ZNF142: variants seen among roughly 807,000 people sequenced by gnomAD.
ZNF142 encodes the protein zinc finger protein 142.
In ZNF142, 96 loss-of-function variants were observed where a neutral mutation model predicts 132.1. The ratio of observed to expected loss-of-function variants is 0.73; its 90% confidence interval spans 0.62 to 0.86. The LOEUF is 0.86. ZNF142 is among the 40% of genes least tolerant of loss of function. ZNF142 has a pLI of 0.00. For synonymous variants in ZNF142, 842 were observed against 890.1 expected (o/e 0.95, Z 0.96); for missense variants, 2,163 against 2,336.2 (o/e 0.93, Z 1.53).
chr2:218,645,332 A>C (rs1176238736), intron 8 of ZNF142, among the ~76,000 whole-genome samples: 4 of 152,216 alleles, frequency 2.6e-5, no homozygotes, highest in African/African-American at 9.6e-5. Context: ...CTGTGTTCTA[A>C]GCCCTATTCT....
At position 218,633,516 on chromosome 2, in the gene ZNF142, TG is replaced by T; in HGVS notation, c.*4822del. 6.9e-7 allele frequency: 1 copy of T among 1,450,694 alleles called. No individual in the cohort carries two copies. Among genetic ancestry groups the T allele is most frequent in the Non-Finnish European group, 9.7e-7 (1 of 1,035,588 alleles). The allele number at this position is 1,450,694 out of a possible 1,614,324, so 89.9% of individuals were successfully genotyped here. A position where few individuals can be genotyped will look rare whatever the true frequency, so the allele number is the denominator to read the frequency against. Reference sequence around the variant, plus strand: ...GAGGGAGAATACAGTGGGGAGGCAGTGGGCAGAGGTTTAGGTTGGATGGCCA... The same window carrying T: ...GAGGGAGAATACAGTGGGGAGGCAGTGGCAGAGGTTTAGGTTGGATGGCCA... On this transcript the variant is annotated 3_prime_UTR_variant, in exon 11 of 11. Coordinates refer to ENST00000411696, the MANE Select transcript of ZNF142 (RefSeq NM_001379659.1).
At chr2:218,649,550 G>C in intron 6 of ZNF142, 91 bp from the exon 7 acceptor site, 1 of 1,210,824 alleles carries the variant, frequency 8.3e-7, no homozygotes, top group African/African-American at 1.5e-5. Flanking sequence ...AGACACAAAC[G>C]ATGTGTGGCC....
At chr2:218,641,476 C>T (rs1697189669) in intron 9 of ZNF142, among the ~76,000 whole-genome samples, 1 of 149,336 alleles carries the variant, frequency 6.7e-6, no homozygotes, top group South Asian at 2.1e-4. Flanking sequence ...GATCTCCTGA[C>T]CTCATGATCC....
intron 10 of ZNF142, among the ~76,000 whole-genome samples, chr2:218,639,566 C>A (rs1347196950): frequency 6.6e-6 from 1 of 151,902 alleles, no homozygotes; most frequent in African/African-American, 2.4e-5. Flanking sequence ...CAAAGTGAGA[C>A]CCTGTCTACA....
chr2:218,635,473 G>A lies in ZNF142; in HGVS notation c.*2866C>T, dbSNP rs574596778. 1.5e-4 allele frequency among the ~76,000 whole-genome samples: 23 copies of A among 152,170 alleles called. No individual in the cohort carries two copies. Among genetic ancestry groups the A allele is most frequent in the African/African-American group, 5.1e-4 (21 of 41,514 alleles). ...CCCATCTGAGCCTTCCGAGTAGCTG[G>A]GACTACAGGCGCCCGCCACCATGCC... is the stretch of plus-strand genomic sequence containing the variant. On this transcript the variant is annotated 3_prime_UTR_variant, in exon 11 of 11. Coordinates refer to ENST00000411696, the MANE Select transcript of ZNF142 (RefSeq NM_001379659.1).
At position 218,646,366 on chromosome 2, in the gene ZNF142, G is replaced by A. The variant is rs755033221; in HGVS notation, c.1874-18C>T. ...CTTCTCACCTTATATGGGGGATGCGGATGAAGGGAGAGAACACAGGTCAGA... is the reference window on the plus strand; with the variant it reads ...CTTCTCACCTTATATGGGGGATGCGAATGAAGGGAGAGAACACAGGTCAGA... On this transcript the variant is annotated intron_variant, in intron 7 of 10. Coordinates refer to ENST00000411696, the MANE Select transcript of ZNF142 (RefSeq NM_001379659.1). 1.1e-5 allele frequency: 18 copies of A among 1,612,948 alleles called. No homozygotes were observed. Among genetic ancestry groups the A allele is most frequent in the Non-Finnish European group, 5.1e-6 (6 of 1,179,466 alleles).
rs1313532280 is a variant in ZNF142 at position 218,644,483 on chromosome 2, T to G, written c.2633A>C (p.Asp878Ala). Residue 878 changes from aspartate (D) to alanine (A), a missense_variant, in exon 9 of 11, where the codon GAC (aspartate) becomes GCC (alanine). Physicochemically the swap from Asp to Ala is moderately radical, Grantham distance 126. Transcript: ENST00000411696. The surrounding 1 kb of genome is among the most constrained non-coding windows in gnomAD (Gnocchi z 4.6). The part of the protein sequence containing the change: ...QEGSEAPHGG[D>A]LGGSPSPAEV... Reference sequence around the variant, plus strand: ...TGCTGGGCTGGGACTGCCACCCAGGTCACCCCCATGGGGAGCCTCACTGCC... The same window carrying G: ...TGCTGGGCTGGGACTGCCACCCAGGGCACCCCCATGGGGAGCCTCACTGCC... 1 of 1,613,834 alleles carries G rather than the reference T, an allele frequency of 6.2e-7. No homozygotes were observed. Among genetic ancestry groups the G allele is most frequent in the African/African-American group, 1.3e-5 (1 of 74,904 alleles).
Position 218,643,023 on chromosome 2 carries a change from G to A in ZNF142, c.4093C>T (p.Arg1365Cys), listed in dbSNP as rs759350416. ...CACTGTAGATGGGGCCGGGGCCCAC[G>A]GGCTGGGGCTGCAGTGGGGTGCCTC... Reference protein sequence around the residue: ...KRRHPTAAPARGPRPHLQCGD... With the variant: ...KRRHPTAAPACGPRPHLQCGD... Residue 1365 changes from arginine to cysteine, a missense_variant, in exon 9 of 11, where the codon CGT becomes TGT. Arg to Cys is a radical substitution (Grantham distance 180, BLOSUM62 -3). Coordinates refer to ENST00000411696, the MANE Select transcript of ZNF142 (RefSeq NM_001379659.1). 1.0e-5 allele frequency: 16 copies of A among 1,601,638 alleles called. No homozygotes were observed. Among genetic ancestry groups the A allele is most frequent in the Admixed American group, 1.7e-5 (1 of 57,638 alleles).
chr2:218,644,355 T>C lies in ZNF142; in HGVS notation c.2761A>G (p.Met921Val), dbSNP rs201354528. 573 of 1,614,048 alleles carry C rather than the reference T, an allele frequency of 3.6e-4. 8 individuals are homozygous for C. The highest frequency in any genetic ancestry group is 3.1e-3 in the South Asian group (286 of 91,076). ...TCCAGTCCCAGGGGCCTGAACTCCATAGGGGCTGTTTCAGTGACCTCCTCA... is the reference window on the plus strand; with the variant it reads ...TCCAGTCCCAGGGGCCTGAACTCCACAGGGGCTGTTTCAGTGACCTCCTCA... ...PLEEVTETAP[M>V]EFRPLGLEGP... is the part of the protein sequence containing the mutation. The change falls in exon 9 of 11, where the codon ATG (methionine) becomes GTG (valine). Residue 921 changes from methionine (M) to valine (V), a missense_variant. This residue lies in a region of ZNF142 where 749 missense variants were observed against 830.3 expected (regional missense o/e 0.90). Coordinates refer to ENST00000411696, the MANE Select transcript of ZNF142 (RefSeq NM_001379659.1). This position sits in a 1 kb window ranked among gnomAD's most constrained non-coding sequence, Gnocchi z 4.6.
Position 218,642,624 on chromosome 2 carries a change from C to G in ZNF142, c.4492G>C (p.Glu1498Gln), listed in dbSNP as rs751814235. The G allele has an allele frequency of 6.2e-7, 1 of 1,613,932 alleles. No homozygotes were observed. Among genetic ancestry groups the G allele is most frequent in the African/African-American group, 1.3e-5 (1 of 74,942 alleles). ...AGAGCATGCTGCTTAAGTGCTGTCT[C>G]TGAGCTGAACTGGGCTTCACACTGG... is the stretch of plus-strand genomic sequence containing the variant. The part of the protein sequence containing the change: ...CSQCEAQFSS[E>Q]TALKQHALRR... The change falls in exon 9 of 11, where the codon GAG becomes CAG. Residue 1498 changes from glutamate (E) to glutamine (Q), a missense_variant. By Grantham distance (29) the Glu-to-Gln change is conservative. Coordinates refer to ENST00000411696, the MANE Select transcript of ZNF142 (RefSeq NM_001379659.1). This position sits in a 1 kb window ranked among gnomAD's most constrained non-coding sequence, Gnocchi z 4.6.
In ZNF142 at chr2:218,636,367, C is replaced by A. The variant is rs1696749298; in HGVS notation, c.*1972G>T. The stretch of plus-strand genomic sequence containing the variant: ...GAAATGACTTTATTGGTCAGTACAC[C>A]CTGCCTTGGACCTGCATGCAACAAG... On this transcript the variant is annotated 3_prime_UTR_variant, in exon 11 of 11. Transcript: ENST00000411696. 6.2e-7 allele frequency: 1 copy of A among 1,613,850 alleles called. No homozygotes were observed. Among genetic ancestry groups the A allele is most frequent in the Non-Finnish European group, 8.5e-7 (1 of 1,179,912 alleles).
intron 4 of ZNF142, among the ~76,000 whole-genome samples, chr2:218,653,715 G>C (rs796300710): frequency 6.6e-6 from 1 of 152,064 alleles, no homozygotes; most frequent in South Asian, 2.1e-4. Flanking sequence ...ATATATCAAA[G>C]ATATTTTTAT....
chr2:218,654,193 A>G (rs1416899342), intron 4 of ZNF142, among the ~76,000 whole-genome samples: 2 of 152,154 alleles, frequency 1.3e-5, no homozygotes, highest in East Asian at 3.8e-4. Flanking sequence ...GTCTTTGTGC[A>G]TTCCTACAGT....
chr2:218,637,850 TG>T lies in ZNF142; in HGVS notation c.*488del, dbSNP rs1425415097. On this transcript the variant is annotated 3_prime_UTR_variant, in exon 11 of 11. Transcript: ENST00000411696. ...GCAGAGGTCTGAGAGGGGACAGAGT[TG>T]ATCAAGATGACAGCCTGGAAATGTT... The T allele has an allele frequency of 6.6e-6, 1 of 152,558 alleles. No individual in the cohort carries two copies. Among genetic ancestry groups the T allele is most frequent in the African/African-American group, 2.4e-5 (1 of 41,444 alleles). 9.5% of individuals were successfully genotyped at this position (152,558 alleles called of 1,614,324 possible). A position where few individuals can be genotyped will look rare whatever the true frequency, so the allele number is the denominator to read the frequency against.
rs1351012655 is a variant in ZNF142, at chr2:218,636,041, G to C, written c.*2298C>G. 9 of 1,526,118 alleles carry C rather than the reference G, an allele frequency of 5.9e-6. No homozygotes were observed. The highest frequency in any genetic ancestry group is 8.1e-6 in the Non-Finnish European group (9 of 1,117,040). The allele number at this position is 1,526,118 out of a possible 1,614,324, so 94.5% of individuals were successfully genotyped here. On this transcript the variant is annotated 3_prime_UTR_variant, in exon 11 of 11. Coordinates refer to ENST00000411696, the MANE Select transcript of ZNF142 (RefSeq NM_001379659.1). Reference sequence around the variant, plus strand: ...TGTTATTGCATGTCCCCACATGGGAGGCAGTGTGGAACAGTACAAAGAATC... The same window carrying C: ...TGTTATTGCATGTCCCCACATGGGACGCAGTGTGGAACAGTACAAAGAATC...
In ZNF142 at chr2:218,635,486, C is replaced by T. The variant is rs1696674172; in HGVS notation, c.*2853G>A. On this transcript the variant is annotated 3_prime_UTR_variant, in exon 11 of 11. Coordinates refer to ENST00000411696, the MANE Select transcript of ZNF142 (RefSeq NM_001379659.1). ...TCCGAGTAGCTGGGACTACAGGCGC[C>T]CGCCACCATGCCTGGCTAATTTTTG... 6.6e-6 allele frequency among the ~76,000 whole-genome samples: 1 copy of T among 152,024 alleles called. No homozygotes were observed. The highest frequency in any genetic ancestry group is 2.4e-5 in the African/African-American group (1 of 41,404).
Position 218,643,182 on chromosome 2 carries a change from T to TA in ZNF142, c.3933dup (p.Ser1312Ter). On this transcript the variant is annotated frameshift_variant, in exon 9 of 11. Transcript: ENST00000411696. LOFTEE classifies it high-confidence loss of function. ...CTCAGAGCCCGTTCCTGCTGGCAGC[T>TA]AAAGGGACATGTAGGGCAGGAGAAG... is the stretch of plus-strand genomic sequence containing the variant. The TA allele has an allele frequency of 6.2e-7, 1 of 1,614,232 alleles. No individual in the cohort carries two copies. The highest frequency in any genetic ancestry group is 2.2e-5 in the East Asian group (1 of 44,884).
At chr2:218,640,060 T>TAA in intron 10 of ZNF142, among the ~76,000 whole-genome samples, 1 of 2,276 alleles carries the variant, frequency 4.4e-4, no homozygotes, top group Non-Finnish European at 2.0e-3. Context: ...AGACTCTGTC[T>TAA]CAAAAAAAAA....
rs930590925 is a variant in ZNF142, at chr2:218,656,188, G to C, written c.242C>G (p.Ala81Gly). Residue 81 changes from alanine to glycine, a missense_variant, in exon 4 of 11, where the codon GCT becomes GGT. Ala to Gly is a moderately conservative substitution (Grantham distance 60). Transcript: ENST00000411696. Reference sequence around the variant, plus strand: ...AGGAGCACCTGGGGTCAGGGTTCCAGCTACTGTCTCCACAATGATCTCCAT... The same window carrying C: ...AGGAGCACCTGGGGTCAGGGTTCCACCTACTGTCTCCACAATGATCTCCAT... ...GNMEIIVETV[A>G]GTLTPGAPGE... is the part of the protein sequence containing the mutation. 6.2e-7 allele frequency: 1 copy of C among 1,609,950 alleles called. No individual in the cohort carries two copies. Among genetic ancestry groups the C allele is most frequent in the Non-Finnish European group, 8.5e-7 (1 of 1,177,552 alleles).
Sources: gnomAD v4.1 joint callset for allele counts (sites outside exome capture counted in the v4.1 genomes callset) on GRCh38, gnomAD v4.1.1 for gene constraint, gnomAD v4.1.1 regional missense constraint, Gnocchi (gnomAD v3.1) non-coding constraint, MANE v1.5 for transcripts, NCBI Gene and HGNC (gene_info 2026-07-23, HGNC 2026-07-21) for gene names.